Variants in UGCG observed in about 807,000 individuals in gnomAD.
The protein encoded by UGCG is ceramide glucosyltransferase.
A neutral mutation model predicts 49.5 loss-of-function variants in UGCG; 10 were observed. That is an observed-to-expected ratio of 0.20 (90% confidence interval 0.12 to 0.34). UGCG has a LOEUF of 0.34. Among genes scored for constraint, UGCG ranks in the 10% least tolerant of loss-of-function variants. The pLI is 1.00. For synonymous variants in UGCG, 182 were observed against 158.2 expected (o/e 1.15, Z -1.13); for missense variants, 312 against 483.7 (o/e 0.65, Z 3.33).
rs1206047810 is a variant in UGCG at position 111,932,079 on chromosome 9, G to C, written c.825-91G>C. 13 of 1,346,434 alleles carry C rather than the reference G, an allele frequency of 9.7e-6. No homozygotes were observed. In the South Asian group the frequency reaches 1.7e-4, roughly 17 times the overall value. The allele number at this position is 1,346,434 out of a possible 1,614,324, so 83.4% of individuals were successfully genotyped here. ...AAAGAGAATGGTCTTTCTATCACAGGGTAAAAAAATTGATTATTTGAGGGA... is the reference window on the plus strand; with the variant it reads ...AAAGAGAATGGTCTTTCTATCACAGCGTAAAAAAATTGATTATTTGAGGGA... On this transcript the variant is annotated intron_variant, in intron 7 of 8. Coordinates refer to ENST00000374279, the MANE Select transcript of UGCG (RefSeq NM_003358.3).
intron 6 of UGCG, among the ~76,000 whole-genome samples, chr9:111,930,659 G>A (rs1021977970): frequency 1.3e-5 from 2 of 151,764 alleles, no homozygotes; most frequent in African/African-American, 2.4e-5. Context: ...TAGTAGAGGC[G>A]GGGTTTCACC....
intron 3 of UGCG, among the ~76,000 whole-genome samples, chr9:111,923,625 G>GT (rs1285586117): frequency 1.3e-5 from 2 of 151,388 alleles, no homozygotes; most frequent in East Asian, 1.9e-4. Flanking sequence ...TATTTATGGG[G>GT]TTTTTTTGGT....
In UGCG at chr9:111,897,263, C is replaced by G. The variant is rs1319008981; in HGVS notation, c.48C>G (p.Phe16Leu). 1 of 1,559,672 alleles carries G rather than the reference C, an allele frequency of 6.4e-7. No homozygotes were observed. The highest frequency in any genetic ancestry group is 8.7e-7 in the Non-Finnish European group (1 of 1,152,176). The change falls in exon 1 of 9, where the codon TTC becomes TTG. Residue 16 changes from phenylalanine to leucine, a missense_variant. By Grantham distance (22) the Phe-to-Leu change is conservative (BLOSUM62 0). Around this residue, in one of 4 missense-constraint regions of UGCG, gnomAD observed 65 missense variants for 74.7 expected, o/e 0.87. Coordinates refer to ENST00000374279, the MANE Select transcript of UGCG (RefSeq NM_003358.3). ...LALEGMAVFG[F>L]VLFLVLWLMH... ...TGGAGGGAATGGCCGTCTTCGGGTTCGTCCTCTTCTTGGTGCTGTGGCTGA... is the reference window on the plus strand; with the variant it reads ...TGGAGGGAATGGCCGTCTTCGGGTTGGTCCTCTTCTTGGTGCTGTGGCTGA...
In UGCG at chr9:111,935,302, T is replaced by C. The variant is rs932301776; in HGVS notation, c.*2305T>C. 6.6e-6 allele frequency: 1 copy of C among 152,230 alleles called. No individual in the cohort carries two copies. Among genetic ancestry groups the C allele is most frequent in the Admixed American group, 6.5e-5 (1 of 15,280 alleles). The allele number at this position is 152,230 out of a possible 1,614,324, so 9.4% of individuals were successfully genotyped here. A position where few individuals can be genotyped will look rare whatever the true frequency, so the allele number is the denominator to read the frequency against. On this transcript the variant is annotated 3_prime_UTR_variant, in exon 9 of 9. Coordinates refer to ENST00000374279, the MANE Select transcript of UGCG (RefSeq NM_003358.3). ...AAACCAGTGTCTAGAATATATACCA[T>C]GTTTTATTATTTAAAATCATTGTCT...
intron 1 of UGCG, among the ~76,000 whole-genome samples, chr9:111,901,867 G>A (rs1837780930): frequency 6.6e-6 from 1 of 152,032 alleles, no homozygotes; most frequent in South Asian, 2.1e-4. Context: ...GCAGCCTTGT[G>A]CCCCCTCGAT....
At chr9:111,922,977 A>G in intron 3 of UGCG, 26 bp downstream of exon 3, 2 of 1,441,208 alleles carry the variant, frequency 1.4e-6, no homozygotes, top group Admixed American at 1.7e-5. Context: ...TGTAGTAACC[A>G]TTTTCCATTG....
intron 1 of UGCG, among the ~76,000 whole-genome samples, chr9:111,905,969 G>A (rs900374407): frequency 1.3e-5 from 2 of 152,136 alleles, no homozygotes; most frequent in African/African-American, 4.8e-5. Context: ...AACATACTGT[G>A]TATTATTGCT....
Position 111,935,095 on chromosome 9 carries a change from C to G in UGCG, c.*2098C>G, listed in dbSNP as rs966543296. On this transcript the variant is annotated 3_prime_UTR_variant, in exon 9 of 9. Transcript: ENST00000374279. ...TGTGTTTTGTAAATATAAACTAGGA[C>G]AGTTCTGTAGGTTTGTTCAGTGTGC... The G allele has an allele frequency of 6.6e-6, 1 of 152,156 alleles. No homozygotes were observed. The highest frequency in any genetic ancestry group is 2.4e-5 in the African/African-American group (1 of 41,436). The allele number at this position is 152,156 out of a possible 1,614,324, so 9.4% of individuals were successfully genotyped here.
At chr9:111,903,754 C>T (rs1282555182) in intron 1 of UGCG, among the ~76,000 whole-genome samples, 1 of 152,182 alleles carries the variant, frequency 6.6e-6, no homozygotes, top group Non-Finnish European at 1.5e-5. Context: ...TGCCACCACG[C>T]CTGGCTGATT....
intron 5 of UGCG, among the ~76,000 whole-genome samples, chr9:111,926,700 G>C (rs1838317458): frequency 6.6e-6 from 1 of 152,042 alleles, no homozygotes; most frequent in Non-Finnish European, 1.5e-5. Context: ...TACCCTGGCA[G>C]TGAACAGCTG....
chr9:111,928,017 G>A (rs546025195), intron 5 of UGCG, among the ~76,000 whole-genome samples: 44 of 150,388 alleles, frequency 2.9e-4, no homozygotes, highest in African/African-American at 1.0e-3. Context: ...AAACATTTGG[G>A]AGGAAAAATT....
intron 1 of UGCG, among the ~76,000 whole-genome samples, chr9:111,911,945 T>TATATATATATATTCAACAGG (rs1564199969): frequency 4.5e-4 from 20 of 44,810 alleles, no homozygotes; most frequent in African/African-American, 1.7e-3. Context: ...TATATATATA[T>TATATATATATATTCAACAGG]ATATATATAT....
At chr9:111,914,463 C>T (rs1838074771) in intron 1 of UGCG, 142 bp from the exon 2 acceptor site, 2 of 783,948 alleles carry the variant, frequency 2.6e-6, no homozygotes, top group Admixed American at 5.9e-5. Context: ...TACTTCCCTT[C>T]ATGTTTAGAT....
intron 2 of UGCG, among the ~76,000 whole-genome samples, chr9:111,918,879 C>A (rs369804788): frequency 2.7e-5 from 4 of 149,920 alleles, no homozygotes; most frequent in Non-Finnish European, 5.9e-5. Context: ...GAGCGGAGAT[C>A]GCGCCACAGC....
Position 111,897,069 on chromosome 9 carries a change from G to T in UGCG, c.-147G>T. On this transcript the variant is annotated 5_prime_UTR_variant, in exon 1 of 9. Transcript: ENST00000374279. ...CGCGCAGGCCCTGCCCGCCCCTTCC[G>T]TCCCCACCCCCCTCCGCCCTTTCCT... is the stretch of plus-strand genomic sequence containing the variant. 1 of 208,694 alleles carries T rather than the reference G, an allele frequency of 4.8e-6. No individual in the cohort carries two copies. The highest frequency in any genetic ancestry group is 9.4e-6 in the Non-Finnish European group (1 of 106,504). 12.9% of individuals were successfully genotyped at this position (208,694 alleles called of 1,614,324 possible).
rs571951460 is a variant in UGCG, at chr9:111,912,977, G to T, written c.99-1628G>T. 3.9e-5 allele frequency among the ~76,000 whole-genome samples: 6 copies of T among 152,254 alleles called. No individual in the cohort carries two copies. In the South Asian group the frequency reaches 6.2e-4, roughly 16 times the overall value. On this transcript the variant is annotated intron_variant, in intron 1 of 8. Coordinates refer to ENST00000374279, the MANE Select transcript of UGCG (RefSeq NM_003358.3). ...TAGATGTTTGCTACAGCACACACCT[G>T]CCTTAGTTAGAGACCAAGCCCATGG...
Position 111,914,795 on chromosome 9 carries a change from C to T in UGCG, c.240+49C>T, listed in dbSNP as rs752026915. 67 of 1,599,638 alleles carry T rather than the reference C, an allele frequency of 4.2e-5. No individual in the cohort carries two copies. In the Middle Eastern group the frequency reaches 1.0e-3, roughly 24 times the overall value. ...TGTTTTGTTTTGTTTTGTTTTGTTC[C>T]CCTCATGATAAACATTTAGGGATTT... On this transcript the variant is annotated intron_variant, in intron 2 of 8. Transcript: ENST00000374279.
intron 1 of UGCG, among the ~76,000 whole-genome samples, chr9:111,900,310 ATAT>A (rs1837743101): frequency 1.3e-5 from 2 of 152,054 alleles, no homozygotes; most frequent in African/African-American, 4.8e-5. Flanking sequence ...CATCCACCTC[ATAT>A]TATTATTATT....
intron 2 of UGCG, among the ~76,000 whole-genome samples, chr9:111,922,391 T>C (rs1329235944): frequency 1.3e-5 from 2 of 152,226 alleles, no homozygotes; most frequent in East Asian, 3.8e-4. Flanking sequence ...TATATGAAAT[T>C]TGTTGCACCT....
Sources: allele counts gnomAD v4.1 joint callset (sites outside exome capture counted in the v4.1 genomes callset), GRCh38; gene constraint gnomAD v4.1.1; regional missense constraint gnomAD v4.1.1; transcripts MANE v1.5; gene names NCBI Gene and HGNC (gene_info 2026-07-23, HGNC 2026-07-21).